ARL15: variants seen among roughly 807,000 people sequenced by gnomAD.
The protein encoded by ARL15 is ARF like GTPase 15.
Under a neutral mutation model 25.2 loss-of-function variants are expected in ARL15, and 19 were observed. The ratio of observed to expected loss-of-function variants is 0.75; its 90% CI spans 0.53 to 1.10. The LOEUF is 1.10. Ranked by LOEUF, ARL15 falls within the 50% of genes least tolerant of loss-of-function variation. The probability of loss-of-function intolerance (pLI) is 0.00; values close to 1 mark genes in which losing one functional copy is unlikely to be tolerated. For missense variants in ARL15, 220 were observed against 246.0 expected (o/e 0.89, Z 0.71); for synonymous variants, 94 against 86.8 (o/e 1.08, Z -0.46).
At chr5:54,086,350 T>C (rs1751963905) in intron 4 of ARL15, among the ~76,000 whole-genome samples, 1 of 152,178 alleles carries the variant, frequency 6.6e-6, no homozygotes, top group Non-Finnish European at 1.5e-5. Flanking sequence ...TCTATAGCTC[T>C]ATAAAGGCAA....
At chr5:54,079,136 T>C (rs940383408) in intron 4 of ARL15, among the ~76,000 whole-genome samples, 2 of 152,224 alleles carry the variant, frequency 1.3e-5, no homozygotes, top group Non-Finnish European at 2.9e-5. Context: ...TAAAGTCAGA[T>C]GCTGGAATAG....
chr5:54,233,605 T>C (rs1275183580), intron 1 of ARL15, among the ~76,000 whole-genome samples: 1 of 152,210 alleles, frequency 6.6e-6, no homozygotes, highest in East Asian at 1.9e-4. Flanking sequence ...TCTTTCAAGG[T>C]CCAAGAGAGA....
intron 3 of ARL15, among the ~76,000 whole-genome samples, chr5:54,146,680 G>T (rs771241972): frequency 1.3e-5 from 2 of 152,100 alleles, no homozygotes; most frequent in African/African-American, 4.8e-5. Context: ...TGGAAGATAC[G>T]AAATGACCTG....
chr5:54,071,523 C>T lies in ARL15; in HGVS notation c.462+41679G>A, dbSNP rs78693282. On this transcript the variant is annotated intron_variant, in intron 4 of 4. Coordinates refer to ENST00000504924, the MANE Select transcript of ARL15 (RefSeq NM_019087.3). ...TTCCACCGCCTTTCCCCCCCCCCCC[C>T]CCGCAAAGCCAGACCCAACCTCTGC... Among the ~76,000 whole-genome samples the T allele has an allele frequency of 2.5e-3, 288 of 117,320 alleles. 13 individuals carry two copies. Among genetic ancestry groups the T allele is most frequent in the Non-Finnish European group, 4.4e-3 (230 of 51,940 alleles). 77.0% of individuals were successfully genotyped at this position (117,320 alleles called of 152,430 possible).
chr5:54,109,723 T>G (rs1658810197), intron 4 of ARL15, among the ~76,000 whole-genome samples: 1 of 151,946 alleles, frequency 6.6e-6, no homozygotes, highest in African/African-American at 2.4e-5. Context: ...ATCATTTAAA[T>G]TAGATCAGAA....
chr5:54,243,702 T>C (rs1196413172), intron 1 of ARL15, among the ~76,000 whole-genome samples: 1 of 152,180 alleles, frequency 6.6e-6, no homozygotes, highest in Non-Finnish European at 1.5e-5. Context: ...GAATACATCT[T>C]CCCAATTCTG....
intron 4 of ARL15, among the ~76,000 whole-genome samples, chr5:54,054,750 AC>A (rs1750808204): frequency 6.6e-6 from 1 of 152,158 alleles, no homozygotes; most frequent in Non-Finnish European, 1.5e-5. Flanking sequence ...AGATCGCGCC[AC>A]TGCACTCCAG....
chr5:54,279,661 C>T (rs901032341), intron 1 of ARL15, among the ~76,000 whole-genome samples: 2 of 152,134 alleles, frequency 1.3e-5, no homozygotes, highest in South Asian at 2.1e-4. Flanking sequence ...CTTTTAGGGC[C>T]GATTTTTATC....
chr5:54,277,361 T>C (rs16882573), intron 1 of ARL15, among the ~76,000 whole-genome samples: 3 of 152,188 alleles, frequency 2.0e-5, no homozygotes, highest in Non-Finnish European at 4.4e-5. Context: ...TTCTACCCAC[T>C]AGCAAATGAC....
chr5:53,953,986 T>C (rs1747060306), intron 4 of ARL15, among the ~76,000 whole-genome samples: 1 of 152,008 alleles, frequency 6.6e-6, no homozygotes, highest in Admixed American at 6.6e-5. Context: ...GGTATAAGAA[T>C]AGCATTCTAT....
intron 4 of ARL15, among the ~76,000 whole-genome samples, chr5:53,965,003 G>A (rs1458244564): frequency 6.6e-6 from 1 of 152,156 alleles, no homozygotes; most frequent in East Asian, 1.9e-4. Flanking sequence ...AGATGCCTTA[G>A]AGGCCTGCCA....
chr5:53,916,819 T>C (rs1745667632), intron 4 of ARL15, among the ~76,000 whole-genome samples: 1 of 152,124 alleles, frequency 6.6e-6, no homozygotes, highest in Non-Finnish European at 1.5e-5. Flanking sequence ...ACCTGACAGG[T>C]CATGTAGGAA....
chr5:54,012,041 A>G (rs1259724018), intron 4 of ARL15, among the ~76,000 whole-genome samples: 1 of 152,156 alleles, frequency 6.6e-6, no homozygotes, highest in East Asian at 1.9e-4. Flanking sequence ...TAATAGACAA[A>G]CCAAATATTG....
Position 54,001,849 on chromosome 5 carries a change from G to C in ARL15, c.462+111353C>G, listed in dbSNP as rs575526215. Among the ~76,000 whole-genome samples, 3 of 152,328 alleles carry C rather than the reference G, an allele frequency of 2.0e-5. No individual in the cohort carries two copies. In the South Asian group the frequency reaches 6.2e-4, roughly 32 times the overall value. On this transcript the variant is annotated intron_variant, in intron 4 of 4. Transcript: ENST00000504924. ...TCCAAAGGAAAATAACTGAGGTCAA[G>C]TTCTGTCTTAAATTCTCAGTACCAT...
chr5:53,934,460 G>T (rs186597923), intron 4 of ARL15, among the ~76,000 whole-genome samples: 1 of 151,882 alleles, frequency 6.6e-6, no homozygotes, highest in Non-Finnish European at 1.5e-5. Flanking sequence ...ACCTGGCTAC[G>T]CAGAGCTCTT....
At chr5:54,137,279 G>A (rs1753633093) in intron 3 of ARL15, among the ~76,000 whole-genome samples, 1 of 152,102 alleles carries the variant, frequency 6.6e-6, no homozygotes, top group Non-Finnish European at 1.5e-5. Context: ...TGCCCCTTGT[G>A]TCCTCCTCTG....
intron 4 of ARL15, among the ~76,000 whole-genome samples, chr5:53,974,560 C>CTAAA (rs1362603937): frequency 1.3e-5 from 2 of 152,178 alleles, no homozygotes; most frequent in Non-Finnish European, 2.9e-5. Flanking sequence ...TGGCAGAATT[C>CTAAA]TAAAGGTCAC....
intron 3 of ARL15, among the ~76,000 whole-genome samples, chr5:54,149,883 T>C (rs1257590567): frequency 1.3e-5 from 2 of 152,146 alleles, no homozygotes; most frequent in African/African-American, 4.8e-5. Context: ...AAAAACCTCC[T>C]GGATAAAAGA....
intron 4 of ARL15, among the ~76,000 whole-genome samples, chr5:53,890,349 A>G (rs1744672381): frequency 6.6e-6 from 1 of 152,196 alleles, no homozygotes; most frequent in African/African-American, 2.4e-5. Context: ...CTGTGATGCA[A>G]TGATCTATTT....
Sources: gnomAD v4.1 joint callset for allele counts (sites outside exome capture counted in the v4.1 genomes callset) on GRCh38, gnomAD v4.1.1 for gene constraint, MANE v1.5 for transcripts, NCBI Gene and HGNC (gene_info 2026-07-23, HGNC 2026-07-21) for gene names.